Variants in CEP112 observed in about 807,000 individuals in gnomAD.
The protein encoded by CEP112 is centrosomal protein of 112 kDa.
A neutral mutation model predicts 153.0 loss-of-function variants in CEP112; 127 were observed. The ratio of observed to expected loss-of-function variants is 0.83; its 90% CI spans 0.72 to 0.96. The LOEUF (loss-of-function observed/expected upper bound fraction) is 0.96, where lower values mean the gene tolerates loss of function less well. Ranked by LOEUF, CEP112 falls within the 40% of genes least tolerant of loss-of-function variation. The pLI, the probability that CEP112 is intolerant of heterozygous loss-of-function variation, is 0.00. For missense variants in CEP112, 1,089 were observed against 1,101.2 expected, an observed-to-expected ratio of 0.99 and a Z score of 0.16; for synonymous variants, 358 against 374.4, an observed-to-expected ratio of 0.96 and a Z score of 0.51.
intron 17 of CEP112, among the ~76,000 whole-genome samples, chr17:65,963,674 G>GGT (rs58215209): frequency 0.039 from 5,737 of 147,552 alleles, 114 homozygotes; most frequent in African/African-American, 0.056. Context: ...TATAGATAGG[G>GGT]GTGTGTGTGT....
rs561025072 is a variant in CEP112, at chr17:66,128,194, T to G, written c.642+1552A>C. Among the ~76,000 whole-genome samples, 13 of 149,842 alleles carry G rather than the reference T, an allele frequency of 8.7e-5. No homozygotes were observed. The South Asian group carries it at 2.7e-3, about 31-fold the overall frequency. On this transcript the variant is annotated intron_variant, in intron 6 of 26. Transcript: ENST00000535342. ...GGCACGCACCTGTAATCCCAGCTAC[T>G]TGGGAGGCTGAGGCAGGAGGATTGC...
chr17:65,637,331 T>C (rs1000701321), intron 25 of CEP112, 143 bp from the exon 26 acceptor site: 1 of 669,944 alleles, frequency 1.5e-6, no homozygotes, highest in African/African-American at 1.8e-5. Context: ...TGTTGTGTTT[T>C]TTACATTTGG....
At chr17:65,993,927 T>C (rs1030042713) in intron 17 of CEP112, among the ~76,000 whole-genome samples, 2 of 151,978 alleles carry the variant, frequency 1.3e-5, no homozygotes, top group African/African-American at 4.8e-5. Context: ...TCAGTTTGTG[T>C]GCTTTTTGGT....
chr17:66,025,768 A>C (rs1276127209), intron 16 of CEP112, among the ~76,000 whole-genome samples: 3 of 152,094 alleles, frequency 2.0e-5, no homozygotes, highest in Non-Finnish European at 4.4e-5. Flanking sequence ...TAAAAATAAA[A>C]CTACCATCTG....
chr17:65,799,328 G>A (rs569253487), intron 21 of CEP112, among the ~76,000 whole-genome samples: 1 of 152,264 alleles, frequency 6.6e-6, no homozygotes, highest in Non-Finnish European at 1.5e-5. Context: ...ATGTAAGCTG[G>A]CACCGGATCC....
chr17:65,953,310 T>C (rs2061897552), intron 18 of CEP112, among the ~76,000 whole-genome samples: 1 of 152,186 alleles, frequency 6.6e-6, no homozygotes, highest in Non-Finnish European at 1.5e-5. Flanking sequence ...AAAGTTGAAA[T>C]ACAGATTAAG....
intron 16 of CEP112, among the ~76,000 whole-genome samples, chr17:66,019,172 T>A (rs1300760694): frequency 1.3e-5 from 2 of 152,204 alleles, no homozygotes; most frequent in Admixed American, 6.5e-5. Context: ...CAAGTTAGAA[T>A]CCTATGCTCC....
chr17:66,035,395 ATCCTTATTTG>A (rs1418259521), intron 12 of CEP112, among the ~76,000 whole-genome samples: 1 of 152,088 alleles, frequency 6.6e-6, no homozygotes, highest in Non-Finnish European at 1.5e-5. Flanking sequence ...CTACTTGCCC[ATCCTTATTTG>A]TCTTCACCTG....
At chr17:65,992,959 G>A (rs945863378) in intron 17 of CEP112, among the ~76,000 whole-genome samples, 3 of 152,022 alleles carry the variant, frequency 2.0e-5, no homozygotes, top group Non-Finnish European at 4.4e-5. Flanking sequence ...TAAGTTCGAG[G>A]GTACATGTGC....
At chr17:65,996,805 A>G (rs932891719) in intron 17 of CEP112, among the ~76,000 whole-genome samples, 2 of 152,256 alleles carry the variant, frequency 1.3e-5, no homozygotes, top group East Asian at 3.8e-4. Flanking sequence ...TCAAGTTTAC[A>G]AAGTAAGATT....
intron 20 of CEP112, among the ~76,000 whole-genome samples, chr17:65,866,429 T>A (rs1014989660): frequency 6.6e-6 from 1 of 152,188 alleles, no homozygotes; most frequent in Non-Finnish European, 1.5e-5. Context: ...GCAACATGAA[T>A]GGCAGCAGGA....
intron 21 of CEP112, among the ~76,000 whole-genome samples, chr17:65,766,629 A>G (rs1019451889): frequency 1.3e-5 from 2 of 152,032 alleles, no homozygotes; most frequent in African/African-American, 2.4e-5. Flanking sequence ...TATGCTTCCT[A>G]TGAGAGACCC....
intron 21 of CEP112, among the ~76,000 whole-genome samples, chr17:65,833,844 A>G (rs1164790608): frequency 6.6e-6 from 1 of 152,204 alleles, no homozygotes; most frequent in East Asian, 1.9e-4. Flanking sequence ...CAATTAGAAA[A>G]AACTATTTCA....
At chr17:65,835,682 T>G (rs891995141) in intron 21 of CEP112, among the ~76,000 whole-genome samples, 6 of 152,174 alleles carry the variant, frequency 3.9e-5, no homozygotes, top group African/African-American at 1.2e-4. Context: ...GGGTTATTCA[T>G]CAACACCAGA....
At chr17:66,021,969 A>C (rs1235767224) in intron 16 of CEP112, among the ~76,000 whole-genome samples, 1 of 152,234 alleles carries the variant, frequency 6.6e-6, no homozygotes, top group Non-Finnish European at 1.5e-5. Flanking sequence ...GTTGACCTGC[A>C]AACCCCATAG....
At chr17:65,997,950 C>T (rs2063854240) in intron 17 of CEP112, among the ~76,000 whole-genome samples, 1 of 152,084 alleles carries the variant, frequency 6.6e-6, no homozygotes, top group Non-Finnish European at 1.5e-5. Flanking sequence ...TAACTTTCAG[C>T]TTTTATTGAA....
At position 65,653,546 on chromosome 17, in the gene CEP112, G is replaced by A. The variant is rs1279637761; in HGVS notation, c.2698-12481C>T. 2.6e-5 allele frequency among the ~76,000 whole-genome samples: 4 copies of A among 152,126 alleles called. 1 individual carries two copies. The highest frequency in any genetic ancestry group is 2.6e-4 in the Admixed American group (4 of 15,266). ...TGGACAAGGGCAGGCACTGCAATTG[G>A]CCATCTGGTGTAAGAAGAGTGCAGC... is the stretch of plus-strand genomic sequence containing the variant. On this transcript the variant is annotated intron_variant, in intron 24 of 26. Transcript: ENST00000535342.
At chr17:65,692,581 C>T (rs1040265375) in intron 23 of CEP112, among the ~76,000 whole-genome samples, 1 of 152,118 alleles carries the variant, frequency 6.6e-6, no homozygotes, top group African/African-American at 2.4e-5. Context: ...GTTTGTGCTA[C>T]TCCATGCTGC....
intron 21 of CEP112, among the ~76,000 whole-genome samples, chr17:65,808,449 T>A (rs1022508794): frequency 6.6e-6 from 1 of 152,056 alleles, no homozygotes; most frequent in African/African-American, 2.4e-5. Context: ...GACATGAGAT[T>A]TGGGAGGGGT....
Sources: allele counts gnomAD v4.1 joint callset (sites outside exome capture counted in the v4.1 genomes callset), GRCh38; gene constraint gnomAD v4.1.1; transcripts MANE v1.5; gene names NCBI Gene and HGNC (gene_info 2026-07-23, HGNC 2026-07-21).